Variants in SLC4A5 observed in about 807,000 individuals in gnomAD.
SLC4A5 encodes solute carrier family 4 member 5.
SLC4A5 carries 96 observed loss-of-function variants against 120.4 expected under a neutral mutation model. The observed-to-expected ratio is 0.80, with a 90% CI of 0.68 to 0.94. The LOEUF (loss-of-function observed/expected upper bound fraction) is 0.94, where lower values mean the gene tolerates loss of function less well. Among genes scored for constraint, SLC4A5 ranks in the 40% least tolerant of loss-of-function variants. SLC4A5 has a pLI of 0.00. For synonymous variants in SLC4A5, 550 were observed against 571.1 expected (o/e 0.96, Z 0.53); for missense variants, 1,259 against 1,459.5 (o/e 0.86, Z 2.24).
chr2:74,343,332 T>G (rs1673666608), intron 1 of SLC4A5, 24 bp downstream of exon 1: 1 of 152,182 alleles, frequency 6.6e-6, no homozygotes, highest in South Asian at 2.1e-4. Context: ...GTAACTTTAT[T>G]TATGTAAAAT....
intron 6 of SLC4A5, among the ~76,000 whole-genome samples, chr2:74,305,721 C>CTTTTTTTTT (rs35627197): frequency 1.7e-5 from 2 of 115,340 alleles, no homozygotes; most frequent in Admixed American, 9.2e-5. Context: ...CTTTTCTTTC[C>CTTTTTTTTT]TTTTTTTTTT....
At chr2:74,246,972 G>A in intron 19 of SLC4A5, 64 bp downstream of exon 19, 1 of 1,578,892 alleles carries the variant, frequency 6.3e-7, no homozygotes, top group Non-Finnish European at 8.6e-7. Context: ...GAGAGCTGTG[G>A]TGAAGGATCA....
chr2:74,304,756 C>A (rs1672588884), intron 6 of SLC4A5, 76 bp from the exon 7 acceptor site: 4 of 1,448,664 alleles, frequency 2.8e-6, no homozygotes, highest in Admixed American at 2.0e-5. Flanking sequence ...TCATCAGTTA[C>A]AAAGAGATTG....
chr2:74,292,997 G>A (rs546601563), intron 7 of SLC4A5, among the ~76,000 whole-genome samples: 3 of 151,858 alleles, frequency 2.0e-5, no homozygotes, highest in South Asian at 2.1e-4. Flanking sequence ...CCTGACACTC[G>A]GGAGTATATT....
intron 19 of SLC4A5, among the ~76,000 whole-genome samples, chr2:74,245,276 G>A (rs1037975848): frequency 2.0e-5 from 3 of 152,124 alleles, no homozygotes; most frequent in Non-Finnish European, 2.9e-5. Flanking sequence ...CCGAGATCGC[G>A]CCATTGCACT....
At chr2:74,287,906 T>C (rs908199365) in intron 7 of SLC4A5, among the ~76,000 whole-genome samples, 1 of 152,128 alleles carries the variant, frequency 6.6e-6, no homozygotes, top group Non-Finnish European at 1.5e-5. Context: ...TTAGCTCTCC[T>C]GCTTGCCTTC....
intron 3 of SLC4A5, among the ~76,000 whole-genome samples, chr2:74,335,113 G>A (rs1048634305): frequency 8.5e-5 from 13 of 152,170 alleles, no homozygotes; most frequent in African/African-American, 3.1e-4. Flanking sequence ...CTTCCTATGG[G>A]ATAGCTGCTA....
intron 8 of SLC4A5, among the ~76,000 whole-genome samples, chr2:74,280,744 G>A (rs1286991956): frequency 6.6e-6 from 1 of 151,876 alleles, no homozygotes; most frequent in Non-Finnish European, 1.5e-5. Context: ...GAGTGCAATG[G>A]CACGATCTCG....
chr2:74,260,249 C>A (rs1038379108), intron 11 of SLC4A5, among the ~76,000 whole-genome samples: 1 of 152,212 alleles, frequency 6.6e-6, no homozygotes, highest in Middle Eastern at 3.2e-3. Flanking sequence ...TCAGACCTAT[C>A]GTGTCTCGGC....
chr2:74,226,987 G>A, exon 27 of SLC4A5: 2 of 1,614,066 alleles, frequency 1.2e-6, no homozygotes, highest in Non-Finnish European at 1.7e-6. Flanking sequence ...CAGCCACCGT[G>A]GATTTGAGGA....
At position 74,330,288 on chromosome 2, in the gene SLC4A5, T is replaced by TGGTGTA. The variant is rs967488693; in HGVS notation, c.-69-2108_-69-2103dup. ...GTGATGAGGTCTAGATGGAGGAGTG[T>TGGTGTA]GGTGTAGGTGTAGGTGGTGAGGTAT... is the stretch of plus-strand genomic sequence containing the variant. On this transcript the variant is annotated intron_variant, in intron 4 of 30. Coordinates refer to ENST00000394019, the Ensembl canonical transcript of SLC4A5. 2.0e-5 allele frequency among the ~76,000 whole-genome samples: 3 copies of TGGTGTA among 148,652 alleles called. No individual in the cohort carries two copies. In the South Asian group the frequency reaches 6.4e-4, roughly 32 times the overall value.
At chr2:74,295,119 T>C (rs1448419948) in intron 7 of SLC4A5, among the ~76,000 whole-genome samples, 1 of 145,328 alleles carries the variant, frequency 6.9e-6, no homozygotes, top group Non-Finnish European at 1.5e-5. Flanking sequence ...GTAAAGTGAG[T>C]GGAGTGAGTG....
chr2:74,289,797 C>T (rs1672100086), intron 7 of SLC4A5, among the ~76,000 whole-genome samples: 1 of 152,092 alleles, frequency 6.6e-6, no homozygotes, highest in Admixed American at 6.6e-5. Context: ...CCAATTCTCC[C>T]TGGGATCAGA....
intron 4 of SLC4A5, 186 bp from the exon 5 acceptor site, chr2:74,328,372 G>C (rs1276261932): frequency 6.3e-6 from 1 of 157,914 alleles, no homozygotes; most frequent in African/African-American, 2.4e-5. Context: ...GGTCTGAATA[G>C]AGCTGGCCAT....
At chr2:74,326,558 C>T (rs943051916) in intron 5 of SLC4A5, among the ~76,000 whole-genome samples, 3 of 152,194 alleles carry the variant, frequency 2.0e-5, no homozygotes, top group African/African-American at 7.2e-5. Flanking sequence ...CAGTGGCTCA[C>T]GCCTGTAATC....
chr2:74,254,817 A>ATT (rs376191179), intron 13 of SLC4A5, 111 bp from the exon 14 acceptor site: 2,107 of 604,368 alleles, frequency 3.5e-3, no homozygotes, highest in East Asian at 0.02. Context: ...AACAGTATGC[A>ATT]TTTTTTTTTT....
At chr2:74,259,293 C>G (rs868857959) in intron 12 of SLC4A5, among the ~76,000 whole-genome samples, 3 of 152,162 alleles carry the variant, frequency 2.0e-5, no homozygotes, top group Non-Finnish European at 2.9e-5. Flanking sequence ...GTGTGCTGGT[C>G]TTCTCTCTCC....
Position 74,309,542 on chromosome 2 carries a change from G to A in SLC4A5, c.80-4862C>T, listed in dbSNP as rs1428420739. 2.0e-5 allele frequency among the ~76,000 whole-genome samples: 3 copies of A among 152,000 alleles called. No homozygotes were observed. In the East Asian group the frequency reaches 5.8e-4, roughly 29 times the overall value. On this transcript the variant is annotated intron_variant, in intron 6 of 30. Coordinates refer to ENST00000394019, the Ensembl canonical transcript of SLC4A5. ...ACCATATACACTTTAGAATCAATATGTCAGCATCCAAAAAAATAACTTGCT... is the reference window on the plus strand; with the variant it reads ...ACCATATACACTTTAGAATCAATATATCAGCATCCAAAAAAATAACTTGCT...
At chr2:74,242,201 GC>G in intron 19 of SLC4A5, 149 bp from the exon 20 acceptor site, 1 of 628,908 alleles carries the variant, frequency 1.6e-6, no homozygotes, top group Non-Finnish European at 2.7e-6. Context: ...TCCTCACTTT[GC>G]CCCAGTTAGG....
Sources: gnomAD v4.1 joint callset for allele counts (sites outside exome capture counted in the v4.1 genomes callset) on GRCh38, gnomAD v4.1.1 for gene constraint, MANE v1.5 for transcripts, NCBI Gene and HGNC (gene_info 2026-07-23, HGNC 2026-07-21) for gene names.